Variants in LRMDA observed in about 807,000 individuals in gnomAD.
LRMDA encodes the protein leucine rich melanocyte differentiation associated, also known as leucine-rich melanocyte differentiation-associated protein.
Under a neutral mutation model 29.8 loss-of-function variants are expected in LRMDA, and 18 were observed. The ratio of observed to expected loss-of-function variants is 0.60; its 90% CI spans 0.42 to 0.90. LRMDA has a LOEUF of 0.90. LRMDA is among the 40% of genes least tolerant of loss of function. The probability of loss-of-function intolerance (pLI) is 0.00; values close to 1 mark genes in which losing one functional copy is unlikely to be tolerated. For synonymous variants in LRMDA, 125 were observed against 109.4 expected, an observed-to-expected ratio of 1.14 and a Z score of -0.89; for missense variants, 273 against 273.9, an observed-to-expected ratio of 1.00 and a Z score of 0.02.
intron 6 of LRMDA, among the ~76,000 whole-genome samples, chr10:76,554,484 C>G (rs1260159932): frequency 6.6e-6 from 1 of 152,168 alleles, no homozygotes; most frequent in Non-Finnish European, 1.5e-5. Context: ...GTCAAGAGAT[C>G]ATTGACAATA....
intron 2 of LRMDA, among the ~76,000 whole-genome samples, chr10:76,021,724 T>C (rs1247717426): frequency 1.3e-5 from 2 of 152,220 alleles, no homozygotes; most frequent in Admixed American, 1.3e-4. Flanking sequence ...CAGCTTTTTC[T>C]CTCACTCACT....
At chr10:76,015,059 G>A (rs1185386371) in intron 2 of LRMDA, among the ~76,000 whole-genome samples, 3 of 152,206 alleles carry the variant, frequency 2.0e-5, no homozygotes, top group Non-Finnish European at 2.9e-5. Context: ...TTGTCTTCTT[G>A]TATCTTCAGT....
chr10:76,408,748 A>T (rs989050723), intron 6 of LRMDA, among the ~76,000 whole-genome samples: 1 of 152,042 alleles, frequency 6.6e-6, no homozygotes, highest in African/African-American at 2.4e-5. Flanking sequence ...CTCCTGCTAC[A>T]TTGCTCAATT....
At chr10:75,969,266 G>A (rs779589391) in intron 2 of LRMDA, among the ~76,000 whole-genome samples, 88 of 152,174 alleles carry the variant, frequency 5.8e-4, no homozygotes, top group Non-Finnish European at 9.0e-4. Context: ...TCTAAAGTCT[G>A]TTTTCCTTGC....
At chr10:76,085,159 C>A (rs1849113581) in intron 5 of LRMDA, among the ~76,000 whole-genome samples, 1 of 152,140 alleles carries the variant, frequency 6.6e-6, no homozygotes, top group Non-Finnish European at 1.5e-5. Flanking sequence ...AGAGGTATTA[C>A]AAACCCCACC....
chr10:76,084,394 T>G (rs1032642315), intron 5 of LRMDA, among the ~76,000 whole-genome samples: 4 of 115,912 alleles, frequency 3.5e-5, no homozygotes, highest in Non-Finnish European at 5.4e-5. Flanking sequence ...TTTTTTTTTT[T>G]TGTAGAGTCA....
chr10:76,188,222 A>G (rs1851182387), intron 5 of LRMDA, among the ~76,000 whole-genome samples: 1 of 152,234 alleles, frequency 6.6e-6, no homozygotes, highest in African/African-American at 2.4e-5. Flanking sequence ...TTTTGATCAC[A>G]GATTGAAATT....
At chr10:76,245,178 G>C (rs1852351981) in intron 5 of LRMDA, among the ~76,000 whole-genome samples, 1 of 152,080 alleles carries the variant, frequency 6.6e-6, no homozygotes. Flanking sequence ...AAAAAATATT[G>C]GATGTTCTCT....
chr10:76,492,483 G>A (rs1300082147), intron 6 of LRMDA, among the ~76,000 whole-genome samples: 1 of 152,082 alleles, frequency 6.6e-6, no homozygotes, highest in Non-Finnish European at 1.5e-5. Flanking sequence ...AGAGCTGGAA[G>A]AATTTTCTGG....
intron 5 of LRMDA, among the ~76,000 whole-genome samples, chr10:76,314,958 C>G (rs1840673454): frequency 6.6e-6 from 1 of 152,210 alleles, no homozygotes; most frequent in African/African-American, 2.4e-5. Flanking sequence ...TATCTCACTA[C>G]CAATATATTA....
At chr10:76,001,486 G>A (rs1454182214) in intron 2 of LRMDA, among the ~76,000 whole-genome samples, 2 of 152,082 alleles carry the variant, frequency 1.3e-5, no homozygotes, top group Non-Finnish European at 2.9e-5. Context: ...TTATAGTTTT[G>A]AAGTTTAAGA....
intron 2 of LRMDA, among the ~76,000 whole-genome samples, chr10:75,664,563 G>T (rs1369252959): frequency 6.6e-6 from 1 of 152,128 alleles, no homozygotes; most frequent in African/African-American, 2.4e-5. Context: ...GGAGTCTCTA[G>T]GAGCTCCTGC....
intron 6 of LRMDA, among the ~76,000 whole-genome samples, chr10:76,436,593 A>C (rs1842246861): frequency 6.6e-6 from 1 of 152,234 alleles, no homozygotes; most frequent in African/African-American, 2.4e-5. Context: ...GCTTTGGAGC[A>C]GGCACTACAG....
intron 2 of LRMDA, among the ~76,000 whole-genome samples, chr10:75,514,566 G>A (rs1169402331): frequency 6.6e-6 from 1 of 152,100 alleles, no homozygotes; most frequent in African/African-American, 2.4e-5. Context: ...GGTCCTTGGG[G>A]TGGATCCATC....
At chr10:75,944,651 C>T (rs1209637644) in intron 2 of LRMDA, among the ~76,000 whole-genome samples, 1 of 150,960 alleles carries the variant, frequency 6.6e-6, no homozygotes, top group Non-Finnish European at 1.5e-5. Context: ...TATTAATCTA[C>T]CTTCAAGGTC....
intron 2 of LRMDA, among the ~76,000 whole-genome samples, chr10:75,523,478 A>G (rs1845384260): frequency 6.6e-6 from 1 of 152,168 alleles, no homozygotes; most frequent in African/African-American, 2.4e-5. Context: ...TTCACTTGAA[A>G]TGGGGAACAA....
intron 5 of LRMDA, among the ~76,000 whole-genome samples, chr10:76,269,102 C>T (rs550775332): frequency 1.3e-5 from 2 of 152,070 alleles, no homozygotes; most frequent in South Asian, 4.2e-4. Context: ...TTGCTGCTCC[C>T]GGGGTCGTAG....
At chr10:76,080,549 C>G (rs1477694377) in intron 5 of LRMDA, among the ~76,000 whole-genome samples, 2 of 152,182 alleles carry the variant, frequency 1.3e-5, no homozygotes, top group African/African-American at 4.8e-5. Context: ...CAGCCTTGGA[C>G]CAGAGGGAAA....
intron 2 of LRMDA, among the ~76,000 whole-genome samples, chr10:75,991,043 A>G (rs1847359378): frequency 1.3e-5 from 2 of 152,202 alleles, no homozygotes; most frequent in African/African-American, 2.4e-5. Flanking sequence ...AATTGTCAAG[A>G]TGGTAAACAG....
Sources: allele counts gnomAD v4.1 joint callset (sites outside exome capture counted in the v4.1 genomes callset), GRCh38; gene constraint gnomAD v4.1.1; transcripts MANE v1.5; gene names NCBI Gene and HGNC (gene_info 2026-07-23, HGNC 2026-07-21).